The following AGMO variants were observed in gnomAD, a reference collection of about 807,000 sequenced individuals.
AGMO encodes alkylglycerol monooxygenase, also known as glyceryl-ether monooxygenase.
A neutral mutation model predicts 60.2 loss-of-function variants in AGMO; 75 were observed. The ratio of observed to expected loss-of-function variants is 1.25; its 90% CI spans 1.03 to 1.51. The LOEUF is 1.51. AGMO is among the 40% of genes most tolerant of loss of function. The pLI is 0.00. For missense variants in AGMO, 763 were observed against 525.5 expected, an observed-to-expected ratio of 1.45 and a Z score of -4.42; for synonymous variants, 261 against 177.1, an observed-to-expected ratio of 1.47 and a Z score of -3.76.
At chr7:15,400,281 C>A (rs917102274) in intron 5 of AGMO, among the ~76,000 whole-genome samples, 8 of 152,086 alleles carry the variant, frequency 5.3e-5, no homozygotes, top group Non-Finnish European at 1.0e-4. Flanking sequence ...ACCACCCCCC[C>A]AAGCAATTTT....
chr7:15,548,345 G>T (rs1202835048), intron 2 of AGMO, among the ~76,000 whole-genome samples: 1 of 151,840 alleles, frequency 6.6e-6, no homozygotes, highest in Non-Finnish European at 1.5e-5. Flanking sequence ...AGAGAAGAAG[G>T]CTTCAGACGA....
At chr7:15,157,329 G>A in the AGMO span, among the ~76,000 whole-genome samples, 1 of 152,160 alleles carries the variant, frequency 6.6e-6, no homozygotes, top group African/African-American at 2.4e-5. Context: ...GTAAAGAGTG[G>A]AGTGACAGGG....
chr7:15,138,435 T>A, the AGMO span, among the ~76,000 whole-genome samples: 1 of 152,200 alleles, frequency 6.6e-6, no homozygotes, highest in Non-Finnish European at 1.5e-5. Flanking sequence ...AATCCCGACA[T>A]CCTAAATATT....
chr7:15,150,202 T>C, the AGMO span, among the ~76,000 whole-genome samples: 1 of 152,042 alleles, frequency 6.6e-6, no homozygotes, highest in African/African-American at 2.4e-5. Context: ...TAGGAGCCTT[T>C]GGGTAGACTA....
intron 5 of AGMO, among the ~76,000 whole-genome samples, chr7:15,411,427 G>A (rs531553304): frequency 1.3e-5 from 2 of 152,082 alleles, no homozygotes; most frequent in Non-Finnish European, 2.9e-5. Flanking sequence ...AAAATCAGGA[G>A]CCAAACTCAG....
chr7:15,519,624 C>G (rs971605622), intron 3 of AGMO, among the ~76,000 whole-genome samples: 1 of 152,096 alleles, frequency 6.6e-6, no homozygotes, highest in Non-Finnish European at 1.5e-5. Flanking sequence ...TTTGTCACCA[C>G]CAGGCCTGCC....
intron 12 of AGMO, among the ~76,000 whole-genome samples, chr7:15,288,855 A>AT (rs199901937): frequency 6.8e-6 from 1 of 147,626 alleles, no homozygotes; most frequent in Non-Finnish European, 1.5e-5. Flanking sequence ...AAAAAATAAA[A>AT]AAAAAAAAAA....
chr7:15,276,696 A>C (rs1455637690), intron 12 of AGMO, among the ~76,000 whole-genome samples: 1 of 152,090 alleles, frequency 6.6e-6, no homozygotes, highest in East Asian at 1.9e-4. Context: ...TAGTGACTTT[A>C]TATAATCCCA....
chr7:15,294,687 G>A (rs1026467133), intron 12 of AGMO, among the ~76,000 whole-genome samples: 1 of 151,894 alleles, frequency 6.6e-6, no homozygotes, highest in Non-Finnish European at 1.5e-5. Context: ...TATTTATTTG[G>A]AAGATGAAAA....
chr7:15,452,661 G>A (rs1048677099), intron 3 of AGMO, among the ~76,000 whole-genome samples: 1 of 152,132 alleles, frequency 6.6e-6, no homozygotes, highest in East Asian at 1.9e-4. Flanking sequence ...CAGCTGCTTT[G>A]GAAAACAGTT....
chr7:15,119,577 T>A, the AGMO span, among the ~76,000 whole-genome samples: 3 of 152,174 alleles, frequency 2.0e-5, no homozygotes, highest in African/African-American at 7.2e-5. Flanking sequence ...ATAAAACTTG[T>A]TTGGCCAAGT....
chr7:15,295,562 A>G (rs1351723778), intron 12 of AGMO, among the ~76,000 whole-genome samples: 1 of 152,118 alleles, frequency 6.6e-6, no homozygotes, highest in Non-Finnish European at 1.5e-5. Context: ...GAGAATTACA[A>G]TGTAACCTAA....
At chr7:15,387,674 A>G (rs925170305) in intron 8 of AGMO, 134 bp from the exon 9 acceptor site, 2 of 740,396 alleles carry the variant, frequency 2.7e-6, no homozygotes, top group African/African-American at 3.6e-5. Context: ...AGAGCAACAG[A>G]AATGTGTAAT....
intron 12 of AGMO, among the ~76,000 whole-genome samples, chr7:15,234,349 A>T (rs1782353404): frequency 6.6e-6 from 1 of 152,056 alleles, no homozygotes; most frequent in Non-Finnish European, 1.5e-5. Flanking sequence ...TTTTCTCTAT[A>T]TCTTCCTCAC....
At chr7:15,144,678 C>A in the AGMO span, among the ~76,000 whole-genome samples, 1 of 152,302 alleles carries the variant, frequency 6.6e-6, no homozygotes, top group African/African-American at 2.4e-5. Context: ...GGCTGTCTGC[C>A]CTTGCCGCTT....
At chr7:15,395,587 G>T (rs1459636934) in intron 5 of AGMO, among the ~76,000 whole-genome samples, 1 of 152,034 alleles carries the variant, frequency 6.6e-6, no homozygotes, top group Non-Finnish European at 1.5e-5. Context: ...ATTATGCTAC[G>T]AAATATTTTG....
intron 5 of AGMO, among the ~76,000 whole-genome samples, chr7:15,402,787 T>G (rs1389245898): frequency 6.6e-6 from 1 of 151,232 alleles, no homozygotes; most frequent in Non-Finnish European, 1.5e-5. Flanking sequence ...CGTTAAAACC[T>G]GTATTTATAA....
chr7:15,217,757 A>G (rs1307795371), intron 12 of AGMO, among the ~76,000 whole-genome samples: 1 of 152,082 alleles, frequency 6.6e-6, no homozygotes, highest in Non-Finnish European at 1.5e-5. Flanking sequence ...CTGAAATTCA[A>G]GAAAGTAAAT....
chr7:15,501,870 T>A (rs1290604997), intron 3 of AGMO, among the ~76,000 whole-genome samples: 2 of 151,686 alleles, frequency 1.3e-5, no homozygotes, highest in Non-Finnish European at 2.9e-5. Context: ...GAAAAAAAAA[T>A]TGATTTCAAG....
Sources: allele counts gnomAD v4.1 joint callset (sites outside exome capture counted in the v4.1 genomes callset), GRCh38; gene constraint gnomAD v4.1.1; transcripts MANE v1.5; gene names NCBI Gene and HGNC (gene_info 2026-07-23, HGNC 2026-07-21).